The following EPHA3 variants were observed in gnomAD, a reference collection of about 807,000 sequenced individuals.
The protein encoded by EPHA3 is EPH receptor A3, also known as ephrin type-A receptor 3.
Under a neutral mutation model 107.1 loss-of-function variants are expected in EPHA3, and 42 were observed. The observed-to-expected ratio is 0.39, with a 90% CI of 0.31 to 0.51. The LOEUF is 0.51. Among genes scored for constraint, EPHA3 ranks in the 20% least tolerant of loss-of-function variants. The probability of loss-of-function intolerance (pLI) is 0.78; values close to 1 mark genes in which losing one functional copy is unlikely to be tolerated. For missense variants in EPHA3, 1,183 were observed against 1,211.2 expected, an observed-to-expected ratio of 0.98 and a Z score of 0.35; for synonymous variants, 461 against 424.8, an observed-to-expected ratio of 1.09 and a Z score of -1.05.
intron 3 of EPHA3, among the ~76,000 whole-genome samples, chr3:89,276,001 A>G (rs1410021792): frequency 6.6e-6 from 1 of 152,074 alleles, no homozygotes; most frequent in Non-Finnish European, 1.5e-5. Context: ...TAGAACCAGC[A>G]GGGTGAATAG....
intron 5 of EPHA3, among the ~76,000 whole-genome samples, chr3:89,372,851 A>G (rs75617149): frequency 0.015 from 2,321 of 151,868 alleles, 43 homozygotes; most frequent in African/African-American, 0.053. Context: ...ACCTTGCACT[A>G]GTAATATATT....
chr3:89,279,294 A>T (rs1206570674), intron 3 of EPHA3, among the ~76,000 whole-genome samples: 1 of 152,110 alleles, frequency 6.6e-6, no homozygotes, highest in African/African-American at 2.4e-5. Context: ...TTTTAATGGA[A>T]TTGACACACT....
intron 3 of EPHA3, among the ~76,000 whole-genome samples, chr3:89,271,799 G>A (rs1015397689): frequency 5.9e-5 from 9 of 151,914 alleles, no homozygotes; most frequent in African/African-American, 1.4e-4. Flanking sequence ...GCCATCAAGC[G>A]AGTCACTTTT....
chr3:89,419,405 C>T lies in EPHA3; in HGVS notation c.2074+15C>T, dbSNP rs1473319808. On this transcript the variant is annotated intron_variant, in intron 11 of 16. Transcript: ENST00000336596. ...TGTTACCAAAAGTAAGTAAAGTAGTCATAAGACCTGTGTTTCCGTATGTTG... is the reference window on the plus strand; with the variant it reads ...TGTTACCAAAAGTAAGTAAAGTAGTTATAAGACCTGTGTTTCCGTATGTTG... 1.9e-6 allele frequency: 3 copies of T among 1,563,964 alleles called. No homozygotes were observed. The African/African-American group carries it at 4.1e-5, about 22-fold the overall frequency.
intron 2 of EPHA3, among the ~76,000 whole-genome samples, chr3:89,130,627 C>CTT (rs869075361): frequency 2.1e-4 from 29 of 136,608 alleles, no homozygotes; most frequent in East Asian, 1.9e-3. Flanking sequence ...TTTCTATCTC[C>CTT]TTTTTTTTTT....
intron 12 of EPHA3, among the ~76,000 whole-genome samples, chr3:89,430,544 A>G (rs761313160): frequency 6.6e-6 from 1 of 152,140 alleles, no homozygotes; most frequent in Non-Finnish European, 1.5e-5. Flanking sequence ...TTTAAACCTT[A>G]TGTTTCTATT....
intron 3 of EPHA3, among the ~76,000 whole-genome samples, chr3:89,314,339 T>C (rs1706841414): frequency 6.6e-6 from 1 of 151,944 alleles, no homozygotes; most frequent in South Asian, 2.1e-4. Flanking sequence ...TAGAGGTATG[T>C]GACTAACTTT....
At chr3:89,344,387 C>T (rs114199617) in intron 5 of EPHA3, among the ~76,000 whole-genome samples, 1,852 of 152,226 alleles carry the variant, frequency 0.012, 37 homozygotes, top group African/African-American at 0.042. Context: ...ACCCTAGTCT[C>T]TCTCCCATTT....
chr3:89,168,203 T>A (rs1705122425), intron 2 of EPHA3, among the ~76,000 whole-genome samples: 1 of 152,174 alleles, frequency 6.6e-6, no homozygotes, highest in African/African-American at 2.4e-5. Flanking sequence ...GCCTGATTTG[T>A]CCTAGACCTC....
chr3:89,280,509 A>G (rs1228649937), intron 3 of EPHA3, among the ~76,000 whole-genome samples: 2 of 152,162 alleles, frequency 1.3e-5, no homozygotes, highest in African/African-American at 4.8e-5. Flanking sequence ...TTCTATTCTC[A>G]TTGATTAGTG....
intron 2 of EPHA3, among the ~76,000 whole-genome samples, chr3:89,141,121 A>G (rs1704422980): frequency 6.6e-6 from 1 of 151,638 alleles, no homozygotes. Context: ...GCACGTCACC[A>G]CTACTTTATA....
chr3:89,112,129 T>G (rs1707123683), intron 1 of EPHA3, among the ~76,000 whole-genome samples: 1 of 152,084 alleles, frequency 6.6e-6, no homozygotes, highest in Non-Finnish European at 1.5e-5. Context: ...TAGATCATGG[T>G]TGTATTTTAT....
chr3:89,481,986 AT>A lies in EPHA3; in HGVS notation c.*2485del, dbSNP rs1464004352. 4.5e-6 allele frequency: 1 copy of A among 224,514 alleles called. No homozygotes were observed. The highest frequency in any genetic ancestry group is 8.9e-6 in the Non-Finnish European group (1 of 112,292). The allele number at this position is 224,514 out of a possible 1,614,324, so 13.9% of individuals were successfully genotyped here. ...GTATAAATGTGATATGATTGGCAAT[AT>A]GTGTTTACTTTAAACTTGTCTTTTC... is the stretch of plus-strand genomic sequence containing the variant. On this transcript the variant is annotated 3_prime_UTR_variant, in exon 17 of 17. Transcript: ENST00000336596.
At chr3:89,265,129 G>T (rs2107287700) in intron 3 of EPHA3, among the ~76,000 whole-genome samples, 1 of 152,110 alleles carries the variant, frequency 6.6e-6, no homozygotes, top group African/African-American at 2.4e-5. Context: ...TAGGTGTTTT[G>T]GCCTAATATA....
chr3:89,295,643 G>C (rs1461610791), intron 3 of EPHA3, among the ~76,000 whole-genome samples: 1 of 152,066 alleles, frequency 6.6e-6, no homozygotes, highest in Non-Finnish European at 1.5e-5. Flanking sequence ...TCAGGTTGGA[G>C]TGCCGTGGTG....
At chr3:89,223,418 C>G (rs1487479536) in intron 3 of EPHA3, among the ~76,000 whole-genome samples, 1 of 152,140 alleles carries the variant, frequency 6.6e-6, no homozygotes, top group African/African-American at 2.4e-5. Context: ...CAGATGAATG[C>G]TTGAAGGCTC....
chr3:89,457,133 G>A (rs563758111), intron 15 of EPHA3, among the ~76,000 whole-genome samples: 4 of 152,124 alleles, frequency 2.6e-5, no homozygotes, highest in Non-Finnish European at 5.9e-5. Flanking sequence ...ATTTCTACAG[G>A]TAGGTAACAG....
At chr3:89,133,210 T>G (rs1460466441) in intron 2 of EPHA3, among the ~76,000 whole-genome samples, 1 of 152,204 alleles carries the variant, frequency 6.6e-6, no homozygotes, top group African/African-American at 2.4e-5. Context: ...CAGTGTTGTG[T>G]GAAGTCTCAG....
chr3:89,233,697 C>G (rs1168500227), intron 3 of EPHA3, among the ~76,000 whole-genome samples: 1 of 152,074 alleles, frequency 6.6e-6, no homozygotes, highest in Non-Finnish European at 1.5e-5. Flanking sequence ...AGTACTAGCC[C>G]TCTTTAAGGG....
Sources: gnomAD v4.1 joint callset for allele counts (sites outside exome capture counted in the v4.1 genomes callset) on GRCh38, gnomAD v4.1.1 for gene constraint, MANE v1.5 for transcripts, NCBI Gene and HGNC (gene_info 2026-07-23, HGNC 2026-07-21) for gene names.